Variants in GIGYF2 observed in about 807,000 individuals in gnomAD.
The protein encoded by GIGYF2 is GRB10 interacting GYF protein 2.
Under a neutral mutation model 208.1 loss-of-function variants are expected in GIGYF2, and 25 were observed. The ratio of observed to expected loss-of-function variants is 0.12; its 90% CI spans 0.09 to 0.17. The LOEUF (loss-of-function observed/expected upper bound fraction) is 0.17. Ranked by LOEUF, GIGYF2 falls within the 10% of genes least tolerant of loss-of-function variation. The pLI is 1.00. For synonymous variants in GIGYF2, 534 were observed against 543.8 expected (o/e 0.98, Z 0.25); for missense variants, 1,302 against 1,579.4 (o/e 0.82, Z 2.98).
At chr2:232,762,182 A>G (rs1698765338) in intron 8 of GIGYF2, among the ~76,000 whole-genome samples, 1 of 151,420 alleles carries the variant, frequency 6.6e-6, no homozygotes, top group Admixed American at 6.6e-5. Context: ...AAGTGCTAAA[A>G]AAGTTCTCCA....
intron 3 of GIGYF2, among the ~76,000 whole-genome samples, chr2:232,744,233 G>A (rs1025820277): frequency 1.3e-5 from 2 of 152,160 alleles, no homozygotes; most frequent in African/African-American, 2.4e-5. Context: ...GAAGGGACAG[G>A]GTGGTGAATA....
Position 232,850,469 on chromosome 2 carries a change from T to C in GIGYF2, c.3832+60T>C, listed in dbSNP as rs1287007297. ...GGAGTGCAGGTGATACCAGTTATCC[T>C]GTGTGAGTTTCCATTGAGCATTGTT... On this transcript the variant is annotated intron_variant, in intron 28 of 28. Transcript: ENST00000373563. The C allele has an allele frequency of 4.2e-6, 6 of 1,444,606 alleles. No individual in the cohort carries two copies. The African/African-American group carries it at 8.4e-5, about 20-fold the overall frequency. The allele number at this position is 1,444,606 out of a possible 1,614,324, so 89.5% of individuals were successfully genotyped here. A position where few individuals can be genotyped will look rare whatever the true frequency, so the allele number is the denominator to read the frequency against.
chr2:232,754,354 G>C (rs940841587), intron 5 of GIGYF2, among the ~76,000 whole-genome samples: 1 of 152,062 alleles, frequency 6.6e-6, no homozygotes, highest in Non-Finnish European at 1.5e-5. Flanking sequence ...TTTTTTACAT[G>C]GGTAAGAAGT....
intron 18 of GIGYF2, 110 bp from the exon 19 acceptor site, chr2:232,815,522 TGTTTG>T: frequency 1.4e-6 from 1 of 716,998 alleles, no homozygotes; most frequent in Non-Finnish European, 2.6e-6. Flanking sequence ...AAAACAGATG[TGTTTG>T]GTGGAGCTCA....
rs1487757911 is a variant in GIGYF2, at chr2:232,756,255, T to C, written c.300T>C (p.Ala100=). The C allele has an allele frequency of 3.1e-6, 5 of 1,587,560 alleles. No homozygotes were observed. The stretch of plus-strand genomic sequence containing the variant: ...TTTCCATGTCTGTAAATAGTGCTGC[T>C]GTCCTGCGATTGACAGGACGAGGAG... ...RNFSMSVNSA[A]VLRLTGRGGG... The change falls in exon 6 of 29, where the codon GCT becomes GCC. Residue 100 remains alanine (A), a synonymous_variant. Transcript: ENST00000373563.
In GIGYF2 at chr2:232,847,453, A is replaced by G. The variant is rs201962512; in HGVS notation, c.3566A>G (p.Lys1189Arg). ...ACTTCTGAGGCCAAGGAGTTTGCCA[A>G]GCAGTTCCTTGAGCGCCGTGCCAAA... ...GDTSEAKEFA[K>R]QFLERRAKQK... Residue 1189 changes from lysine (K) to arginine (R), a missense_variant, in exon 27 of 29, where the codon AAG (lysine) becomes AGG (arginine). Physicochemically the swap from Lys to Arg is conservative, Grantham distance 26. Around this residue, in one of 8 missense-constraint regions of GIGYF2, gnomAD observed 701 missense variants for 793.0 expected, o/e 0.88. Transcript: ENST00000373563. The G allele has an allele frequency of 2.5e-6, 4 of 1,613,980 alleles. No homozygotes were observed. Among genetic ancestry groups the G allele is most frequent in the African/African-American group, 1.3e-5 (1 of 75,014 alleles).
chr2:232,824,390 C>T (rs943202836), intron 21 of GIGYF2, among the ~76,000 whole-genome samples: 1 of 152,192 alleles, frequency 6.6e-6, no homozygotes, highest in Admixed American at 6.5e-5. Flanking sequence ...CTCCAGTGAA[C>T]ACATGAATGA....
At chr2:232,718,567 T>C (rs1696800084) in intron 2 of GIGYF2, among the ~76,000 whole-genome samples, 1 of 152,236 alleles carries the variant, frequency 6.6e-6, no homozygotes, top group East Asian at 1.9e-4. Context: ...GAAATATAAC[T>C]TCAGTTTCCT....
At chr2:232,762,377 C>T (rs933874058) in intron 8 of GIGYF2, among the ~76,000 whole-genome samples, 8 of 151,670 alleles carry the variant, frequency 5.3e-5, no homozygotes, top group East Asian at 1.9e-4. Flanking sequence ...CTCAGTCTCC[C>T]GAGTAGTTGG....
At chr2:232,817,803 C>T (rs377705747) in intron 20 of GIGYF2, among the ~76,000 whole-genome samples, 2 of 152,160 alleles carry the variant, frequency 1.3e-5, no homozygotes, top group South Asian at 2.1e-4. Context: ...ATGACTTCCA[C>T]GTTTTAGCTA....
intron 8 of GIGYF2, among the ~76,000 whole-genome samples, chr2:232,775,092 G>A: frequency 6.6e-6 from 1 of 151,752 alleles, no homozygotes; most frequent in East Asian, 1.9e-4. Context: ...TAAGACTGCT[G>A]GATTTGGTTT....
intron 8 of GIGYF2, among the ~76,000 whole-genome samples, chr2:232,769,297 G>A (rs563437292): frequency 8.5e-5 from 13 of 152,116 alleles, no homozygotes; most frequent in South Asian, 2.1e-4. Context: ...TTGGGAGCCC[G>A]AGGCGGGCGG....
At chr2:232,803,476 T>G (rs969080569) in intron 14 of GIGYF2, among the ~76,000 whole-genome samples, 15 of 152,152 alleles carry the variant, frequency 9.9e-5, no homozygotes, top group Non-Finnish European at 1.9e-4. Flanking sequence ...AATTTACATT[T>G]AAGTTCATGG....
chr2:232,836,387 T>TAA lies in GIGYF2; in HGVS notation c.2766+3295_2766+3296insAA, dbSNP rs1377111057. 4.9e-5 allele frequency among the ~76,000 whole-genome samples: 5 copies of TAA among 102,318 alleles called. 1 individual carries two copies. The highest frequency in any genetic ancestry group is 7.1e-5 in the Non-Finnish European group (4 of 56,330). The allele number at this position is 102,318 out of a possible 152,430, so 67.1% of individuals were successfully genotyped here. On this transcript the variant is annotated intron_variant, in intron 22 of 28. Transcript: ENST00000373563. ...ATATAAATATATATAAATATAAATA[T>TAA]ATATAAATATAAATATATATATAAA... is the stretch of plus-strand genomic sequence containing the variant.
intron 3 of GIGYF2, among the ~76,000 whole-genome samples, chr2:232,739,341 A>G (rs1697871605): frequency 7.1e-6 from 1 of 141,322 alleles, no homozygotes; most frequent in South Asian, 2.3e-4. Context: ...CTGGACAACA[A>G]GCCTGGGCAA....
chr2:232,836,386 A>ATATC (rs1701634747), intron 22 of GIGYF2, among the ~76,000 whole-genome samples: 1 of 104,106 alleles, frequency 9.6e-6, no homozygotes, highest in Non-Finnish European at 1.8e-5. Context: ...AAATATAAAT[A>ATATC]TATATAAATA....
intron 12 of GIGYF2, among the ~76,000 whole-genome samples, chr2:232,793,754 C>G (rs1397856504): frequency 6.6e-6 from 1 of 151,964 alleles, no homozygotes; most frequent in Non-Finnish European, 1.5e-5. Flanking sequence ...GAAGAGGAAC[C>G]AGAGAAAAAT....
intron 3 of GIGYF2, among the ~76,000 whole-genome samples, chr2:232,743,889 A>G (rs1698056249): frequency 6.6e-6 from 1 of 152,142 alleles, no homozygotes; most frequent in African/African-American, 2.4e-5. Context: ...CTCTCAGCCA[A>G]GGTGGAATGC....
chr2:232,723,019 G>A (rs1697013872), intron 2 of GIGYF2, among the ~76,000 whole-genome samples: 1 of 152,016 alleles, frequency 6.6e-6, no homozygotes. Context: ...ACAGGATCTT[G>A]CTGTGTTTCC....
Sources: allele counts gnomAD v4.1 joint callset (sites outside exome capture counted in the v4.1 genomes callset), GRCh38; gene constraint gnomAD v4.1.1; regional missense constraint gnomAD v4.1.1; transcripts MANE v1.5; gene names NCBI Gene and HGNC (gene_info 2026-07-23, HGNC 2026-07-21).